Variants in RBFOX3 observed in about 807,000 individuals in gnomAD.
The protein encoded by RBFOX3 is RNA binding protein fox-1 homolog 3.
In RBFOX3, 17 loss-of-function variants were observed where a neutral mutation model predicts 48.7. The observed-to-expected ratio is 0.35, with a 90% CI of 0.24 to 0.52. The LOEUF is 0.52. Among genes scored for constraint, RBFOX3 ranks in the 20% least tolerant of loss-of-function variants. RBFOX3 has a pLI of 0.94. For synonymous variants in RBFOX3, 212 were observed against 209.5 expected (o/e 1.01, Z -0.10); for missense variants, 382 against 497.5 (o/e 0.77, Z 2.21).
At chr17:79,504,094 G>C (rs1024429040) in intron 1 of RBFOX3, among the ~76,000 whole-genome samples, 3,098 of 152,238 alleles carry the variant, frequency 0.02, 97 homozygotes, top group African/African-American at 0.072. Flanking sequence ...CCCTGAGAGA[G>C]TTCCTGTGAC....
At position 79,095,887 on chromosome 17, in the gene RBFOX3, G is replaced by A. The variant is rs115792752; in HGVS notation, c.937-313C>T. ...ATCTGTGCACTCCACACACATTAGC[G>A]GGTACCCATGACTCATCTGGCTGGG... On this transcript the variant is annotated intron_variant, in intron 12 of 14. Transcript: ENST00000693108. 2.8e-3 allele frequency among the ~76,000 whole-genome samples: 427 copies of A among 152,306 alleles called. 3 individuals carry two copies. The highest frequency in any genetic ancestry group is 9.6e-3 in the African/African-American group (398 of 41,570).
chr17:79,412,886 GTGTA>G (rs1340071582), intron 2 of RBFOX3, among the ~76,000 whole-genome samples: 1 of 151,964 alleles, frequency 6.6e-6, no homozygotes, highest in Non-Finnish European at 1.5e-5. Flanking sequence ...TGCACGTGTT[GTGTA>G]TGTGTGTGGC....
rs1034244785 is a variant in RBFOX3 at position 79,311,909 on chromosome 17, G to A, written c.-174-4085C>T. On this transcript the variant is annotated intron_variant, in intron 2 of 14. Coordinates refer to ENST00000693108, the MANE Select transcript of RBFOX3 (RefSeq NM_001350451.2). The surrounding 1 kb of genome is among the most constrained non-coding windows in gnomAD (Gnocchi z 4.2). The stretch of plus-strand genomic sequence containing the variant: ...GGCCCTCCTGAATGTAAGGTCAGGC[G>A]CGGCTGTGATGAGGACAACCCAGGT... 1.3e-5 allele frequency among the ~76,000 whole-genome samples: 2 copies of A among 152,124 alleles called. No homozygotes were observed. Among genetic ancestry groups the A allele is most frequent in the African/African-American group, 4.8e-5 (2 of 41,428 alleles).
intron 1 of RBFOX3, among the ~76,000 whole-genome samples, chr17:79,526,789 G>T (rs1357956069): frequency 1.3e-5 from 2 of 152,214 alleles, no homozygotes; most frequent in African/African-American, 4.8e-5. Context: ...GTTTTGTATA[G>T]ACAGTGATTC....
chr17:79,574,113 C>T (rs1016399715), intron 1 of RBFOX3, among the ~76,000 whole-genome samples: 18 of 152,258 alleles, frequency 1.2e-4, no homozygotes, highest in Non-Finnish European at 2.2e-4. Flanking sequence ...AAAGTCCTCA[C>T]GGAGAAGTTA....
chr17:79,250,811 C>G (rs1042720085), intron 3 of RBFOX3, among the ~76,000 whole-genome samples: 18 of 146,530 alleles, frequency 1.2e-4, no homozygotes, highest in African/African-American at 3.8e-4. Context: ...CCCTCCCTCC[C>G]TTTCTCTCTC....
At chr17:79,582,245 T>C (rs1184080486) in intron 1 of RBFOX3, among the ~76,000 whole-genome samples, 2 of 152,060 alleles carry the variant, frequency 1.3e-5, no homozygotes, top group Non-Finnish European at 2.9e-5. Flanking sequence ...TGCCTGCCCA[T>C]GTATGTGCCT....
At chr17:79,290,317 G>A (rs1009415167) in intron 3 of RBFOX3, among the ~76,000 whole-genome samples, 3 of 152,164 alleles carry the variant, frequency 2.0e-5, no homozygotes, top group African/African-American at 7.2e-5. Flanking sequence ...AGGCTCTGGG[G>A]TGAGCCAGCT....
At chr17:79,450,769 G>C (rs1475046809) in intron 2 of RBFOX3, among the ~76,000 whole-genome samples, 4 of 152,124 alleles carry the variant, frequency 2.6e-5, no homozygotes, top group African/African-American at 9.7e-5. Flanking sequence ...GCAAGGATTC[G>C]ACGGAGCTCC....
intron 2 of RBFOX3, among the ~76,000 whole-genome samples, chr17:79,417,811 C>T (rs957700182): frequency 4.6e-5 from 7 of 152,358 alleles, no homozygotes; most frequent in East Asian, 3.9e-4. Flanking sequence ...CCACACGGGG[C>T]GGCAGCCCAG....
chr17:79,289,181 G>A (rs1357082165), intron 3 of RBFOX3, among the ~76,000 whole-genome samples: 1 of 152,182 alleles, frequency 6.6e-6, no homozygotes, highest in South Asian at 2.1e-4. Context: ...AATACGTTCC[G>A]CACAGCCTCT....
chr17:79,633,408 G>A, the RBFOX3 span, among the ~76,000 whole-genome samples: 1 of 152,232 alleles, frequency 6.6e-6, no homozygotes, highest in Admixed American at 6.5e-5. Flanking sequence ...GCAGCTGCAG[G>A]GAGAACACAG....
chr17:79,455,435 G>A (rs2074308762), intron 2 of RBFOX3, among the ~76,000 whole-genome samples: 1 of 152,184 alleles, frequency 6.6e-6, no homozygotes, highest in South Asian at 2.1e-4. Context: ...ATGAGCCCAG[G>A]AGAGTGGCCA....
At chr17:79,660,272 A>G in the RBFOX3 span, among the ~76,000 whole-genome samples, 1 of 152,212 alleles carries the variant, frequency 6.6e-6, no homozygotes, top group African/African-American at 2.4e-5. Context: ...AAAACACCGA[A>G]AGCAATCGCA....
intron 4 of RBFOX3, among the ~76,000 whole-genome samples, chr17:79,136,837 ACAG>A (rs1481480833): frequency 5.3e-5 from 8 of 152,292 alleles, no homozygotes; most frequent in African/African-American, 1.9e-4. Context: ...CTGGCCTGTG[ACAG>A]CCACTTCCTA....
At chr17:79,457,661 A>T (rs1466344980) in intron 2 of RBFOX3, among the ~76,000 whole-genome samples, 1 of 152,130 alleles carries the variant, frequency 6.6e-6, no homozygotes, top group African/African-American at 2.4e-5. Context: ...TCCCAAAGAG[A>T]TGCAGAGAAT....
intron 4 of RBFOX3, among the ~76,000 whole-genome samples, chr17:79,137,667 G>C (rs1019064080): frequency 1.2e-5 from 1 of 80,290 alleles, no homozygotes; most frequent in South Asian, 4.6e-4. Flanking sequence ...GGAGGGTGTC[G>C]GGGGAGGAGG....
At chr17:79,534,175 T>C (rs1555788132) in intron 1 of RBFOX3, among the ~76,000 whole-genome samples, 1 of 152,180 alleles carries the variant, frequency 6.6e-6, no homozygotes. Context: ...CTCTCTTTAG[T>C]CCAAATTCTA....
intron 4 of RBFOX3, among the ~76,000 whole-genome samples, chr17:79,180,457 TACAGCCTACATATGGTGCCAACACTC>T (rs1180370858): frequency 6.6e-6 from 1 of 152,232 alleles, no homozygotes; most frequent in African/African-American, 2.4e-5. Context: ...AGATTGAATG[TACAGCCTACATATGGTGCCAACACTC>T]ACGCAGAGGA....
Sources: gnomAD v4.1 joint callset for allele counts (sites outside exome capture counted in the v4.1 genomes callset) on GRCh38, gnomAD v4.1.1 for gene constraint, Gnocchi (gnomAD v3.1) non-coding constraint, MANE v1.5 for transcripts, NCBI Gene and HGNC (gene_info 2026-07-23, HGNC 2026-07-21) for gene names.